The following CBFA2T2 variants were observed in gnomAD, a reference collection of about 807,000 sequenced individuals.
CBFA2T2 encodes the protein CBFA2/RUNX1 partner transcriptional co-repressor 2, also known as protein CBFA2T2.
In CBFA2T2, 11 loss-of-function variants were observed where a neutral mutation model predicts 62.2. That is an observed-to-expected ratio of 0.18 (90% CI 0.11 to 0.29). CBFA2T2 has a LOEUF of 0.29. CBFA2T2 is among the 10% of genes least tolerant of loss of function. CBFA2T2 has a pLI of 1.00. For missense variants in CBFA2T2, 592 were observed against 774.1 expected, an observed-to-expected ratio of 0.76 and a Z score of 2.79; for synonymous variants, 295 against 287.5, an observed-to-expected ratio of 1.03 and a Z score of -0.27.
At chr20:33,593,098 A>G (rs1305118640) in intron 1 of CBFA2T2, among the ~76,000 whole-genome samples, 1 of 152,092 alleles carries the variant, frequency 6.6e-6, no homozygotes, top group Non-Finnish European at 1.5e-5. Flanking sequence ...GTGGGAGGCC[A>G]AGGCAGGCAG....
intron 1 of CBFA2T2, among the ~76,000 whole-genome samples, chr20:33,520,970 TCACACACACA>T (rs143080667): frequency 1.0e-3 from 143 of 137,114 alleles, no homozygotes; most frequent in Non-Finnish European, 1.9e-3. Flanking sequence ...TCACCTGCCA[TCACACACACA>T]CACACACACA....
chr20:33,547,526 C>G (rs1276343549), intron 1 of CBFA2T2, among the ~76,000 whole-genome samples: 1 of 151,952 alleles, frequency 6.6e-6, no homozygotes, highest in East Asian at 1.9e-4. Flanking sequence ...CAAAAAACTG[C>G]AAAAAATTAA....
intron 8 of CBFA2T2, among the ~76,000 whole-genome samples, chr20:33,634,692 AAAAAG>A (rs2016572717): frequency 6.8e-6 from 1 of 147,078 alleles, no homozygotes; most frequent in African/African-American, 2.7e-5. Context: ...AAAAAAAAAA[AAAAAG>A]AATCTGAATA....
At chr20:33,561,000 C>G (rs2013068014) in intron 1 of CBFA2T2, among the ~76,000 whole-genome samples, 1 of 152,134 alleles carries the variant, frequency 6.6e-6, no homozygotes, top group African/African-American at 2.4e-5. Flanking sequence ...GCCTCAGCCT[C>G]CCGAGTAGCT....
chr20:33,593,575 T>C (rs892617851), intron 1 of CBFA2T2, among the ~76,000 whole-genome samples: 5 of 151,900 alleles, frequency 3.3e-5, no homozygotes, highest in African/African-American at 1.2e-4. Context: ...GTATTTTCAC[T>C]AGAGACGGGG....
At chr20:33,492,125 A>G (rs1392055553) in intron 1 of CBFA2T2, among the ~76,000 whole-genome samples, 2 of 152,028 alleles carry the variant, frequency 1.3e-5, no homozygotes, top group Non-Finnish European at 2.9e-5. Flanking sequence ...CAGGGGATCC[A>G]TCTGCCTCAG....
chr20:33,592,775 A>G (rs961089460), intron 1 of CBFA2T2, among the ~76,000 whole-genome samples: 2 of 152,204 alleles, frequency 1.3e-5, no homozygotes, highest in Non-Finnish European at 2.9e-5. Context: ...TGAATGGGTC[A>G]CTGCCACTTA....
Position 33,623,266 on chromosome 20 carries a change from A to G in CBFA2T2, c.662A>G (p.His221Arg). 1 of 1,614,254 alleles carries G rather than the reference A, an allele frequency of 6.2e-7. No homozygotes were observed. The highest frequency in any genetic ancestry group is 1.1e-5 in the South Asian group (1 of 91,092). The change falls in exon 5 of 11, where the codon CAC (histidine) becomes CGC (arginine). Residue 221 changes from histidine (H) to arginine (R), a missense_variant. Around this residue, in one of 3 missense-constraint regions of CBFA2T2, gnomAD observed 449 missense variants for 551.2 expected, o/e 0.81. Coordinates refer to ENST00000342704, the MANE Select transcript of CBFA2T2 (RefSeq NM_001032999.3). Reference sequence around the variant, plus strand: ...TCGTCAGAGTTGCTCATGGAGGTGCACGGAAATGGGAAGAGGCCCAGTCCA... The same window carrying G: ...TCGTCAGAGTTGCTCATGGAGGTGCGCGGAAATGGGAAGAGGCCCAGTCCA... Reference protein sequence around the residue: ...ADSSELLMEVHGNGKRPSPER... With the variant: ...ADSSELLMEVRGNGKRPSPER...
At chr20:33,580,047 C>T (rs931588348) in intron 1 of CBFA2T2, among the ~76,000 whole-genome samples, 1 of 151,938 alleles carries the variant, frequency 6.6e-6, no homozygotes, top group Non-Finnish European at 1.5e-5. Flanking sequence ...GAACTCCTGA[C>T]CTTAGGTGAT....
At chr20:33,613,946 C>T (rs1006731304) in intron 3 of CBFA2T2, among the ~76,000 whole-genome samples, 2 of 151,906 alleles carry the variant, frequency 1.3e-5, no homozygotes, top group Non-Finnish European at 2.9e-5. Flanking sequence ...GTCAAAAATT[C>T]ATTTGCGGCG....
chr20:33,494,232 C>CGCATATATAT (rs1319088292), intron 1 of CBFA2T2, among the ~76,000 whole-genome samples: 3 of 60,024 alleles, frequency 5.0e-5, no homozygotes, highest in African/African-American at 1.2e-4. Flanking sequence ...ATGTATTAGG[C>CGCATATATAT]ATATATATGT....
chr20:33,532,423 C>T (rs537422084), intron 1 of CBFA2T2, among the ~76,000 whole-genome samples: 4 of 152,120 alleles, frequency 2.6e-5, no homozygotes, highest in Non-Finnish European at 5.9e-5. Flanking sequence ...GCAGCATACC[C>T]GATCTACTAG....
intron 1 of CBFA2T2, among the ~76,000 whole-genome samples, chr20:33,554,319 C>G (rs2012825990): frequency 6.8e-6 from 1 of 146,370 alleles, no homozygotes; most frequent in African/African-American, 2.5e-5. Context: ...GAGGCATGAT[C>G]TCAGCTCACT....
rs541197021 is a variant in CBFA2T2 at position 33,554,402 on chromosome 20, C to T, written c.35-52554C>T. On this transcript the variant is annotated intron_variant, in intron 1 of 10. Coordinates refer to ENST00000342704, the MANE Select transcript of CBFA2T2 (RefSeq NM_001032999.3). ...TGAGTGGGATTACAGGCTTGTGCCA[C>T]CTGGCCCAGCTAGGTTTTGTATTTT... 2.0e-3 allele frequency among the ~76,000 whole-genome samples: 302 copies of T among 151,538 alleles called. 2 individuals are homozygous for T. Among genetic ancestry groups the T allele is most frequent in the Non-Finnish European group, 2.2e-3 (151 of 67,872 alleles).
intron 1 of CBFA2T2, among the ~76,000 whole-genome samples, chr20:33,506,102 TAAAAA>T (rs1171552783): frequency 1.3e-5 from 2 of 151,070 alleles, no homozygotes; most frequent in Non-Finnish European, 3.0e-5. Context: ...AAAATAAAAA[TAAAAA>T]AAGAAAAGAA....
intron 1 of CBFA2T2, among the ~76,000 whole-genome samples, chr20:33,491,826 G>A (rs1387658206): frequency 6.6e-6 from 1 of 151,376 alleles, no homozygotes; most frequent in Non-Finnish European, 1.5e-5. Context: ...CTCAGCCTCC[G>A]GAGTAGCTGG....
At chr20:33,568,475 G>A (rs2146900013) in intron 1 of CBFA2T2, among the ~76,000 whole-genome samples, 1 of 152,192 alleles carries the variant, frequency 6.6e-6, no homozygotes, top group South Asian at 2.1e-4. Flanking sequence ...TTAACATTTA[G>A]GGACCTTGCA....
rs976896042 is a variant in CBFA2T2, at chr20:33,644,939, G to A, written c.*293G>A. On this transcript the variant is annotated 3_prime_UTR_variant, in exon 11 of 11. Transcript: ENST00000342704. ...AGCTGACTTAGCCGGCCCCTTTTCAGTGTAGACCACCAGCTCCCCTCCCCA... is the reference window on the plus strand; with the variant it reads ...AGCTGACTTAGCCGGCCCCTTTTCAATGTAGACCACCAGCTCCCCTCCCCA... 3 of 376,352 alleles carry A rather than the reference G, an allele frequency of 8.0e-6. No homozygotes were observed. Among genetic ancestry groups the A allele is most frequent in the African/African-American group, 4.1e-5 (2 of 48,394 alleles). The allele number at this position is 376,352 out of a possible 1,614,324, so 23.3% of individuals were successfully genotyped here.
At chr20:33,559,552 T>C (rs2013021527) in intron 1 of CBFA2T2, among the ~76,000 whole-genome samples, 1 of 152,118 alleles carries the variant, frequency 6.6e-6, no homozygotes, top group South Asian at 2.1e-4. Flanking sequence ...AGTGGCATGA[T>C]CTTGGCTCAC....
Sources: allele counts gnomAD v4.1 joint callset (sites outside exome capture counted in the v4.1 genomes callset), GRCh38; gene constraint gnomAD v4.1.1; regional missense constraint gnomAD v4.1.1; transcripts MANE v1.5; gene names NCBI Gene and HGNC (gene_info 2026-07-23, HGNC 2026-07-21).